The following MAP4 variants were observed in gnomAD, a reference collection of about 807,000 sequenced individuals.
The protein encoded by MAP4 is microtubule-associated protein 4.
MAP4 carries 76 observed loss-of-function variants against 170.2 expected under a neutral mutation model. The observed-to-expected ratio is 0.45, with a 90% CI of 0.37 to 0.54. The LOEUF (loss-of-function observed/expected upper bound fraction) is 0.54. Among genes scored for constraint, MAP4 ranks in the 20% least tolerant of loss-of-function variants. The pLI is 0.00. For missense variants in MAP4, 2,506 were observed against 2,748.0 expected (o/e 0.91, Z 1.97); for synonymous variants, 909 against 994.5 (o/e 0.91, Z 1.62).
At chr3:48,025,795 G>A (rs955731894) in intron 1 of MAP4, among the ~76,000 whole-genome samples, 2 of 151,616 alleles carry the variant, frequency 1.3e-5, no homozygotes, top group Non-Finnish European at 2.9e-5. Context: ...AGCTACTCAG[G>A]AGGCTGAGGC....
chr3:47,928,949 G>T (rs1320733658), intron 3 of MAP4, among the ~76,000 whole-genome samples: 1 of 151,798 alleles, frequency 6.6e-6, no homozygotes, highest in Non-Finnish European at 1.5e-5. Flanking sequence ...TACAAAATAA[G>T]CTCATTCCAT....
intron 3 of MAP4, among the ~76,000 whole-genome samples, chr3:47,969,833 C>G (rs2154220329): frequency 6.6e-6 from 1 of 151,460 alleles, no homozygotes; most frequent in South Asian, 2.1e-4. Flanking sequence ...GCACTCCAGC[C>G]TGGGCGACAG....
In MAP4 at chr3:48,041,693, G is replaced by A. The variant is rs1029232236; in HGVS notation, c.-19-42814C>T. Among the ~76,000 whole-genome samples the A allele has an allele frequency of 7.2e-5, 11 of 152,108 alleles. No homozygotes were observed. The South Asian group carries it at 1.7e-3, about 23-fold the overall frequency. On this transcript the variant is annotated intron_variant, in intron 1 of 18. Transcript: ENST00000360240. ...AACCCCATCTCAGTCTGGGTGATGC[G>A]GTGCGACCCTGTGTCCAAAAAAATA...
At chr3:47,969,731 C>A (rs1258901038) in intron 3 of MAP4, among the ~76,000 whole-genome samples, 1 of 152,078 alleles carries the variant, frequency 6.6e-6, no homozygotes, top group Non-Finnish European at 1.5e-5. Flanking sequence ...GACAAGACAT[C>A]TGCATCCTGG....
rs148913242 is a variant in MAP4, at chr3:47,885,132, TTTG to T, written c.5435-7612_5435-7610del. 4.0e-3 allele frequency among the ~76,000 whole-genome samples: 611 copies of T among 152,316 alleles called. 7 individuals carry two copies. Among genetic ancestry groups the T allele is most frequent in the African/African-American group, 0.014 (592 of 41,560 alleles). On this transcript the variant is annotated intron_variant, in intron 10 of 20. Coordinates refer to ENST00000683076, the MANE Select transcript of MAP4 (RefSeq NM_001385682.1). ...GGCAATAGAGAACAGATTTTCTCTATTTGTTTTCTTTTTTCCTTTCCTTTTCTT... is the reference window on the plus strand; with the variant it reads ...GGCAATAGAGAACAGATTTTCTCTATTTTTCTTTTTTCCTTTCCTTTTCTT...
At chr3:47,955,846 G>C (rs1371457957) in intron 3 of MAP4, among the ~76,000 whole-genome samples, 1 of 152,128 alleles carries the variant, frequency 6.6e-6, no homozygotes, top group African/African-American at 2.4e-5. Flanking sequence ...TGCCATTTGG[G>C]CCTTATGATC....
At chr3:48,076,191 G>A (rs1245741782) in intron 1 of MAP4, among the ~76,000 whole-genome samples, 1 of 151,424 alleles carries the variant, frequency 6.6e-6, no homozygotes, top group East Asian at 2.0e-4. Flanking sequence ...GATCAGCCTG[G>A]ACAACATAGT....
chr3:47,947,522 G>A (rs563351185), intron 3 of MAP4, among the ~76,000 whole-genome samples: 2 of 152,302 alleles, frequency 1.3e-5, no homozygotes, highest in East Asian at 3.9e-4. Context: ...CTAGAAGAGA[G>A]AAATCTCAAG....
intron 1 of MAP4, among the ~76,000 whole-genome samples, chr3:48,041,838 A>G (rs1348640789): frequency 6.6e-6 from 1 of 152,222 alleles, no homozygotes. Flanking sequence ...GTTGACGGAC[A>G]CATACTTTCC....
rs779438073 is a variant in MAP4 at position 47,909,418 on chromosome 3, T to C, written c.5003A>G (p.Asp1668Gly). Reference protein sequence around the residue: ...LTLLSPKSENDKLKEISLACK... With the variant: ...LTLLSPKSENGKLKEISLACK... ...AGCCAGACTAATTTCTTTCAATTTA[T>C]CATTTTCACTTTTTGGAGACAAAAG... Residue 1668 changes from aspartate to glycine, a missense_variant, in exon 9 of 21, where the codon GAT becomes GGT. Coordinates refer to ENST00000683076, the MANE Select transcript of MAP4 (RefSeq NM_001385682.1). 2.5e-6 allele frequency: 4 copies of C among 1,613,544 alleles called. No individual in the cohort carries two copies. Among genetic ancestry groups the C allele is most frequent in the Admixed American group, 3.3e-5 (2 of 59,966 alleles).
At chr3:48,081,047 C>T (rs2100146408) in intron 1 of MAP4, among the ~76,000 whole-genome samples, 1 of 152,184 alleles carries the variant, frequency 6.6e-6, no homozygotes, top group Non-Finnish European at 1.5e-5. Flanking sequence ...TGGCGTGAAC[C>T]CGGGAGGCAG....
At chr3:47,984,321 T>C (rs2100087267) in intron 2 of MAP4, among the ~76,000 whole-genome samples, 1 of 152,156 alleles carries the variant, frequency 6.6e-6, no homozygotes, top group African/African-American at 2.4e-5. Context: ...TGACCTAAAA[T>C]GTGCAAAAGG....
At chr3:47,907,392 T>C (rs1048396192) in intron 9 of MAP4, among the ~76,000 whole-genome samples, 1 of 152,226 alleles carries the variant, frequency 6.6e-6, no homozygotes, top group African/African-American at 2.4e-5. Flanking sequence ...TGTGAATGTA[T>C]TAACCTATTC....
At chr3:47,921,720 T>C in intron 5 of MAP4, 45 bp downstream of exon 5, 1 of 1,186,424 alleles carries the variant, frequency 8.4e-7, no homozygotes, top group African/African-American at 1.5e-5. Context: ...AAAGAAAAAA[T>C]TTTTTTCCTT....
intron 3 of MAP4, among the ~76,000 whole-genome samples, chr3:47,934,636 T>C (rs1181734775): frequency 6.6e-6 from 1 of 152,120 alleles, no homozygotes; most frequent in African/African-American, 2.4e-5. Context: ...CGGCTCATAA[T>C]TTACATATTA....
chr3:47,982,231 C>A (rs2100085819), intron 2 of MAP4, among the ~76,000 whole-genome samples: 2 of 152,090 alleles, frequency 1.3e-5, no homozygotes, highest in African/African-American at 2.4e-5. Context: ...AAACACAGAA[C>A]CTTTGTCACA....
chr3:47,910,552 T>A lies in MAP4; in HGVS notation c.3869A>T (p.Asn1290Ile). ...AAGCTCAACAAAATTAACCTGAAAA[T>A]TTCCACCCTTCCTGTCAACTGCTTC... is the stretch of plus-strand genomic sequence containing the variant. ...TVEAVDRKGG[N>I]FQVNFVELGT... The change falls in exon 9 of 21, where the codon AAT (asparagine) becomes ATT (isoleucine). Residue 1290 changes from asparagine to isoleucine, a missense_variant. Coordinates refer to ENST00000683076, the MANE Select transcript of MAP4 (RefSeq NM_001385682.1). 6.5e-7 allele frequency: 1 copy of A among 1,536,032 alleles called. No homozygotes were observed. The highest frequency in any genetic ancestry group is 8.7e-7 in the Non-Finnish European group (1 of 1,146,886).
intron 9 of MAP4, among the ~76,000 whole-genome samples, chr3:47,904,392 T>C (rs2100031713): frequency 6.6e-6 from 1 of 152,030 alleles, no homozygotes; most frequent in Non-Finnish European, 1.5e-5. Flanking sequence ...CTTGGCTCAC[T>C]GCAACCTCTG....
At chr3:47,983,799 G>T (rs573898212) in intron 2 of MAP4, among the ~76,000 whole-genome samples, 3 of 152,100 alleles carry the variant, frequency 2.0e-5, no homozygotes, top group Non-Finnish European at 2.9e-5. Context: ...GACTACAGGC[G>T]TGAGCCACCA....
Sources: allele counts gnomAD v4.1 joint callset (sites outside exome capture counted in the v4.1 genomes callset), GRCh38; gene constraint gnomAD v4.1.1; transcripts MANE v1.5; gene names NCBI Gene and HGNC (gene_info 2026-07-23, HGNC 2026-07-21).